The following GALNT14 variants were observed in gnomAD, a reference collection of about 807,000 sequenced individuals.
The protein encoded by GALNT14 is polypeptide N-acetylgalactosaminyltransferase 14.
In GALNT14, 60 loss-of-function variants were observed where a neutral mutation model predicts 77.5. That is an observed-to-expected ratio of 0.77 (90% confidence interval 0.63 to 0.96). The LOEUF is 0.96. Among genes scored for constraint, GALNT14 ranks in the 40% least tolerant of loss-of-function variants. The pLI is 0.00. For missense variants in GALNT14, 710 were observed against 731.0 expected (o/e 0.97, Z 0.33); for synonymous variants, 280 against 281.7 (o/e 0.99, Z 0.06).
intron 1 of GALNT14, among the ~76,000 whole-genome samples, chr2:31,018,881 C>T (rs1671546044): frequency 6.6e-6 from 1 of 152,158 alleles, no homozygotes; most frequent in South Asian, 2.1e-4. Context: ...CTCTACCTAG[C>T]TCAGGCCCTG....
chr2:31,128,894 C>T (rs969418898), intron 1 of GALNT14, among the ~76,000 whole-genome samples: 1 of 152,108 alleles, frequency 6.6e-6, no homozygotes, highest in Non-Finnish European at 1.5e-5. Flanking sequence ...CCTCTGGTGG[C>T]CTTCCAGAGA....
At chr2:31,016,755 T>A (rs1321043281) in intron 1 of GALNT14, among the ~76,000 whole-genome samples, 1 of 152,168 alleles carries the variant, frequency 6.6e-6, no homozygotes, top group Non-Finnish European at 1.5e-5. Context: ...AGATACATCC[T>A]TGCAGAGCAT....
intron 1 of GALNT14, among the ~76,000 whole-genome samples, chr2:31,119,538 C>T (rs1678281790): frequency 6.6e-6 from 1 of 152,108 alleles, no homozygotes; most frequent in African/African-American, 2.4e-5. Flanking sequence ...GTTGGCAAAA[C>T]GAAAATGACG....
chr2:30,897,524 C>G, the GALNT14 span, among the ~76,000 whole-genome samples: 1 of 152,186 alleles, frequency 6.6e-6, no homozygotes, highest in Non-Finnish European at 1.5e-5. Context: ...AGAAGCAGAG[C>G]TGGAGCTGGC....
intron 1 of GALNT14, among the ~76,000 whole-genome samples, chr2:31,108,664 A>G (rs1677683331): frequency 6.6e-6 from 1 of 152,236 alleles, no homozygotes; most frequent in South Asian, 2.1e-4. Flanking sequence ...CTTTGAAATC[A>G]TATGCCCTTT....
chr2:30,954,585 C>T (rs59339810), intron 6 of GALNT14, among the ~76,000 whole-genome samples: 20,886 of 152,244 alleles, frequency 0.14, 1,637 homozygotes, highest in Middle Eastern at 0.21. Flanking sequence ...TTTGTAAACC[C>T]ACTGAGGTTA....
At position 30,910,822 on chromosome 2, in the gene GALNT14, T is replaced by C; in HGVS notation, c.*79A>G. 6.6e-7 allele frequency: 1 copy of C among 1,505,000 alleles called. No homozygotes were observed. Among genetic ancestry groups the C allele is most frequent in the South Asian group, 1.2e-5 (1 of 80,346 alleles). The allele number at this position is 1,505,000 out of a possible 1,614,324, so 93.2% of individuals were successfully genotyped here. A position where few individuals can be genotyped will look rare whatever the true frequency, so the allele number is the denominator to read the frequency against. On this transcript the variant is annotated 3_prime_UTR_variant, in exon 15 of 15. Coordinates refer to ENST00000349752, the MANE Select transcript of GALNT14 (RefSeq NM_024572.4). ...CAGGATGTCTGAGGTGGTTGCAGGC[T>C]GCTTGCTGCCCAGTTTCCAGTCTGT...
At chr2:30,906,085 C>A (rs1246649986), downstream of GALNT14, among the ~76,000 whole-genome samples, 100 of 150,946 alleles carry the variant, frequency 6.6e-4, no homozygotes, top group Non-Finnish European at 1.2e-3. Flanking sequence ...AAGGAACAAC[C>A]AGTACCAGCC....
chr2:31,047,126 A>C (rs1327391836), intron 1 of GALNT14, among the ~76,000 whole-genome samples: 1 of 152,174 alleles, frequency 6.6e-6, no homozygotes, highest in Admixed American at 6.5e-5. Flanking sequence ...AGTGATTAGC[A>C]GGGGAGTGCA....
intron 6 of GALNT14, among the ~76,000 whole-genome samples, chr2:30,953,420 T>C (rs1368902028): frequency 1.3e-5 from 2 of 151,182 alleles, no homozygotes; most frequent in Admixed American, 1.3e-4. Flanking sequence ...GCGATTCTCC[T>C]GCCTCAGCCT....
In GALNT14 at chr2:31,138,361, T is replaced by C. The variant is rs1679324570; in HGVS notation, c.-275A>G. ...GCTCCAGCGGGAGAAGCGCGGTGGC[T>C]GCCGAGATGTTCCCCACGCCGCCAC... On this transcript the variant is annotated 5_prime_UTR_variant, in exon 1 of 15. Transcript: ENST00000349752. 6 of 437,682 alleles carry C rather than the reference T, an allele frequency of 1.4e-5. No homozygotes were observed. Among genetic ancestry groups the C allele is most frequent in the Admixed American group, 4.4e-5 (1 of 22,854 alleles). 27.1% of individuals were successfully genotyped at this position (437,682 alleles called of 1,614,324 possible).
rs1279366987 is a variant in GALNT14 at position 30,955,899 on chromosome 2, A to T, written c.532+13T>A. 6.2e-7 allele frequency: 1 copy of T among 1,613,578 alleles called. No individual in the cohort carries two copies. Among genetic ancestry groups the T allele is most frequent in the Non-Finnish European group, 8.5e-7 (1 of 1,180,014 alleles). On this transcript the variant is annotated intron_variant, in intron 5 of 14. Transcript: ENST00000349752. ...CTCACACTGGAGGCTCCCGCACAAC[A>T]GCTCAGACCTACCTTGCCGTTCATT...
rs570903771 is a variant in GALNT14 at position 30,967,474 on chromosome 2, C to T, written c.300-1172G>A. ...GTCCAGAGAACTTATTTAGAAAAAGCCAGGCAGCTCTGATCAGGACTCAAG... is the reference window on the plus strand; with the variant it reads ...GTCCAGAGAACTTATTTAGAAAAAGTCAGGCAGCTCTGATCAGGACTCAAG... On this transcript the variant is annotated intron_variant, in intron 2 of 14. Transcript: ENST00000349752. Among the ~76,000 whole-genome samples the T allele has an allele frequency of 7.2e-5, 11 of 152,204 alleles. No individual in the cohort carries two copies. In the East Asian group the frequency reaches 1.2e-3, roughly 16 times the overall value.
rs1001094997 is a variant in GALNT14, at chr2:31,078,777, C to T, written c.129+59181G>A. On this transcript the variant is annotated intron_variant, in intron 1 of 14. Coordinates refer to ENST00000349752, the MANE Select transcript of GALNT14 (RefSeq NM_024572.4). ...GACTGCAGGCTGAAAAGCAGGCAAG[C>T]AGGCAGCATCCGAGAACAGCACAGG... 3.3e-5 allele frequency among the ~76,000 whole-genome samples: 5 copies of T among 152,148 alleles called. No homozygotes were observed. In the East Asian group the frequency reaches 5.8e-4, roughly 18 times the overall value.
At chr2:30,987,144 T>C (rs905967700) in intron 2 of GALNT14, 1 of 152,184 alleles carries the variant, frequency 6.6e-6, no homozygotes, top group African/African-American at 2.4e-5. Flanking sequence ...TGTTCTTGCC[T>C]TGTCACCTAG....
intron 3 of GALNT14, among the ~76,000 whole-genome samples, chr2:30,964,823 AG>A (rs1456306876): frequency 6.6e-6 from 1 of 152,194 alleles, no homozygotes; most frequent in Non-Finnish European, 1.5e-5. Flanking sequence ...GCCTTCCCTC[AG>A]GGTGACCCTA....
chr2:31,060,286 G>A (rs914241516), intron 1 of GALNT14, among the ~76,000 whole-genome samples: 2 of 152,146 alleles, frequency 1.3e-5, no homozygotes, highest in African/African-American at 4.8e-5. Flanking sequence ...AAAGGAACAA[G>A]TCACTGTGGT....
intron 1 of GALNT14, among the ~76,000 whole-genome samples, chr2:31,090,770 C>T (rs1676692521): frequency 6.6e-6 from 1 of 151,618 alleles, no homozygotes; most frequent in Admixed American, 6.6e-5. Flanking sequence ...GCATGAGCCA[C>T]CACATCCCTA....
chr2:30,918,776 C>T (rs1232327620), intron 13 of GALNT14, among the ~76,000 whole-genome samples: 16 of 102,302 alleles, frequency 1.6e-4, no homozygotes, highest in African/African-American at 5.3e-4. Context: ...AGGGTGGCAT[C>T]GGGCAGGGAG....
Sources: gnomAD v4.1 joint callset for allele counts (sites outside exome capture counted in the v4.1 genomes callset) on GRCh38, gnomAD v4.1.1 for gene constraint, MANE v1.5 for transcripts, NCBI Gene and HGNC (gene_info 2026-07-23, HGNC 2026-07-21) for gene names.